The following ADAMTSL1 variants were observed in gnomAD, a reference collection of about 807,000 sequenced individuals.
The protein encoded by ADAMTSL1 is ADAMTS-like protein 1.
In ADAMTSL1, 126 loss-of-function variants were observed where a neutral mutation model predicts 201.8. The observed-to-expected ratio is 0.62, with a 90% CI of 0.54 to 0.72. The LOEUF (loss-of-function observed/expected upper bound fraction) is 0.72. Among genes scored for constraint, ADAMTSL1 ranks in the 30% least tolerant of loss-of-function variants. The pLI is 0.00. For missense variants in ADAMTSL1, 2,679 were observed against 2,277.8 expected (o/e 1.18, Z -3.59); for synonymous variants, 1,121 against 903.4 (o/e 1.24, Z -4.32).
At position 18,769,115 on chromosome 9, in the gene ADAMTSL1, G is replaced by T. The variant is rs371928489; in HGVS notation, c.2218-1487G>T. Among the ~76,000 whole-genome samples, 123 of 152,286 alleles carry T rather than the reference G, an allele frequency of 8.1e-4. 2 individuals are homozygous for T. The South Asian group carries it at 0.024, about 30-fold the overall frequency. On this transcript the variant is annotated intron_variant, in intron 16 of 28. Coordinates refer to ENST00000380548, the MANE Select transcript of ADAMTSL1 (RefSeq NM_001040272.6). ...ATGCAAGGTTGAGACCACTGAGTAAGAAGGTGAAAGCTGGGCTGCAGCTAT... is the reference window on the plus strand; with the variant it reads ...ATGCAAGGTTGAGACCACTGAGTAATAAGGTGAAAGCTGGGCTGCAGCTAT...
intron 1 of ADAMTSL1, among the ~76,000 whole-genome samples, chr9:18,019,774 G>T (rs1425297486): frequency 6.6e-6 from 1 of 152,070 alleles, no homozygotes; most frequent in Non-Finnish European, 1.5e-5. Context: ...TCTACTGGCA[G>T]GAAGCAGGCA....
At chr9:18,078,889 T>C (rs914767726) in intron 1 of ADAMTSL1, among the ~76,000 whole-genome samples, 2 of 152,194 alleles carry the variant, frequency 1.3e-5, no homozygotes, top group South Asian at 2.1e-4. Flanking sequence ...GAAACAATCA[T>C]GATGCTGCCT....
intron 2 of ADAMTSL1, among the ~76,000 whole-genome samples, chr9:18,356,126 T>C (rs926882634): frequency 6.6e-5 from 10 of 152,198 alleles, no homozygotes; most frequent in Admixed American, 3.3e-4. Flanking sequence ...AAAACAGCTT[T>C]CAGTGGATGG....
intron 1 of ADAMTSL1, among the ~76,000 whole-genome samples, chr9:18,051,334 C>T (rs1294260641): frequency 6.7e-6 from 1 of 149,926 alleles, no homozygotes; most frequent in Non-Finnish European, 1.5e-5. Flanking sequence ...CACTATATAA[C>T]ATTATAGACT....
intron 2 of ADAMTSL1, among the ~76,000 whole-genome samples, chr9:18,206,319 C>T (rs551879010): frequency 1.5e-4 from 23 of 152,174 alleles, no homozygotes; most frequent in Middle Eastern, 3.4e-3. Context: ...TAGAGCAGTA[C>T]ATGTGATTGA....
At chr9:18,325,513 G>T (rs1338287667) in intron 2 of ADAMTSL1, among the ~76,000 whole-genome samples, 2 of 152,194 alleles carry the variant, frequency 1.3e-5, no homozygotes, top group Non-Finnish European at 2.9e-5. Context: ...TTGGATATAT[G>T]TAGGATATAT....
At chr9:18,569,322 A>C (rs1822146716) in intron 3 of ADAMTSL1, among the ~76,000 whole-genome samples, 2 of 152,204 alleles carry the variant, frequency 1.3e-5, no homozygotes. Flanking sequence ...TAAAGAGGAG[A>C]GCTCTGACAC....
At chr9:18,405,635 G>GAAA (rs71333041) in intron 2 of ADAMTSL1, among the ~76,000 whole-genome samples, 22 of 107,596 alleles carry the variant, frequency 2.0e-4, no homozygotes, top group African/African-American at 6.3e-4. Flanking sequence ...ACAGAAGAAT[G>GAAA]AAAAAAAAAA....
chr9:18,278,058 C>T (rs1005705415), intron 2 of ADAMTSL1, among the ~76,000 whole-genome samples: 1 of 152,092 alleles, frequency 6.6e-6, no homozygotes, highest in Non-Finnish European at 1.5e-5. Context: ...TTTAATTATT[C>T]TTCCCCTACA....
chr9:18,184,831 C>T (rs1010008189), intron 2 of ADAMTSL1, among the ~76,000 whole-genome samples: 2 of 152,162 alleles, frequency 1.3e-5, no homozygotes, highest in Non-Finnish European at 2.9e-5. Flanking sequence ...CTGGACTATT[C>T]AGAACATGGC....
intron 1 of ADAMTSL1, among the ~76,000 whole-genome samples, chr9:17,960,883 C>T (rs531593627): frequency 6.6e-6 from 1 of 152,184 alleles, no homozygotes; most frequent in Non-Finnish European, 1.5e-5. Context: ...TATGTCAGGT[C>T]TCTGGACTGT....
intron 1 of ADAMTSL1, among the ~76,000 whole-genome samples, chr9:18,140,403 G>A (rs11794137): frequency 0.089 from 13,481 of 152,088 alleles, 946 homozygotes; most frequent in African/African-American, 0.19. Flanking sequence ...GTCCAGCAGA[G>A]ACCAGGAGCA....
chr9:18,632,970 G>A (rs1826871919), intron 5 of ADAMTSL1, among the ~76,000 whole-genome samples: 1 of 152,132 alleles, frequency 6.6e-6, no homozygotes, highest in Admixed American at 6.5e-5. Context: ...GGGGGTGCAT[G>A]CTAATGTTAC....
chr9:18,435,451 G>C (rs1819685451), intron 2 of ADAMTSL1, among the ~76,000 whole-genome samples: 1 of 152,158 alleles, frequency 6.6e-6, no homozygotes, highest in Non-Finnish European at 1.5e-5. Context: ...ACACAAATAT[G>C]TAACTGCAAC....
At position 18,892,551 on chromosome 9, in the gene ADAMTSL1, T is replaced by C; in HGVS notation, c.4806T>C (p.Cys1602=). The C allele has an allele frequency of 6.3e-7, 1 of 1,579,266 alleles. No individual in the cohort carries two copies. The highest frequency in any genetic ancestry group is 8.6e-7 in the Non-Finnish European group (1 of 1,162,354). The change falls in exon 26 of 29, where the codon TGT becomes TGC. Residue 1602 remains cysteine, a synonymous_variant. Coordinates refer to ENST00000380548, the MANE Select transcript of ADAMTSL1 (RefSeq NM_001040272.6). The stretch of plus-strand genomic sequence containing the variant: ...AGCGGCCTGTGGACACCCAGGCCTG[T>C]AACCAGCAGCTGTGTGTGGAGTGGG... ...VAKRPVDTQA[C]NQQLCVEWAF...
At chr9:18,383,627 G>C (rs995531436) in intron 2 of ADAMTSL1, among the ~76,000 whole-genome samples, 3 of 152,142 alleles carry the variant, frequency 2.0e-5, no homozygotes, top group Admixed American at 6.6e-5. Context: ...GAAGCATCCT[G>C]GTTGACTGTC....
At position 18,291,571 on chromosome 9, in the gene ADAMTSL1, A is replaced by T. The variant is rs529719930; in HGVS notation, c.207+127590A>T. Among the ~76,000 whole-genome samples the T allele has an allele frequency of 2.6e-5, 4 of 151,578 alleles. No homozygotes were observed. In the South Asian group the frequency reaches 6.3e-4, roughly 24 times the overall value. ...TGCATTTCATAATTGCCTTATGTAG[A>T]CTCCCTTTGTCTGTCTTTATACTTC... On this transcript the variant is annotated intron_variant, in intron 2 of 29. Transcript: ENST00000680146.
intron 2 of ADAMTSL1, among the ~76,000 whole-genome samples, chr9:18,385,001 C>T (rs1415548358): frequency 6.6e-6 from 1 of 152,126 alleles, no homozygotes; most frequent in Admixed American, 6.6e-5. Flanking sequence ...CTCAGTAATA[C>T]ACATTCACTG....
At chr9:18,351,291 G>A (rs1320924610) in intron 2 of ADAMTSL1, among the ~76,000 whole-genome samples, 1 of 151,282 alleles carries the variant, frequency 6.6e-6, no homozygotes, top group South Asian at 2.1e-4. Context: ...AGAAAAACTT[G>A]TGTGTGGTCC....
Sources: allele counts gnomAD v4.1 joint callset (sites outside exome capture counted in the v4.1 genomes callset), GRCh38; gene constraint gnomAD v4.1.1; transcripts MANE v1.5; gene names NCBI Gene and HGNC (gene_info 2026-07-23, HGNC 2026-07-21).